VEPH1: variants seen among roughly 807,000 people sequenced by gnomAD.
VEPH1 encodes the protein ventricular zone expressed PH domain containing 1.
Under a neutral mutation model 85.2 loss-of-function variants are expected in VEPH1, and 80 were observed. The ratio of observed to expected loss-of-function variants is 0.94; its 90% CI spans 0.78 to 1.13. VEPH1 has a LOEUF of 1.13. Among genes scored for constraint, VEPH1 ranks in the 50% most tolerant of loss-of-function variants. The pLI is 0.00. For missense variants in VEPH1, 955 were observed against 980.5 expected (o/e 0.97, Z 0.35); for synonymous variants, 297 against 348.0 (o/e 0.85, Z 1.63).
chr3:157,369,838 C>G (rs1727288192), intron 7 of VEPH1, among the ~76,000 whole-genome samples: 1 of 152,166 alleles, frequency 6.6e-6, no homozygotes, highest in Admixed American at 6.5e-5. Flanking sequence ...ACTTCTGCTT[C>G]CCTCCTAGAG....
intron 4 of VEPH1, chr3:157,436,905 T>C: frequency 2.5e-6 from 4 of 1,608,152 alleles, no homozygotes; most frequent in Non-Finnish European, 3.4e-6. Context: ...TCCCGCCAGC[T>C]GTGGAAAGAA....
At chr3:157,316,069 A>G (rs1013020382) in intron 10 of VEPH1, 1 of 152,068 alleles carries the variant, frequency 6.6e-6, no homozygotes, top group Non-Finnish European at 1.5e-5. Context: ...AGGCATGTCC[A>G]ATCTGTCTCT....
At chr3:157,267,450 A>G (rs1713876402) in intron 12 of VEPH1, among the ~76,000 whole-genome samples, 1 of 151,196 alleles carries the variant, frequency 6.6e-6, no homozygotes. Flanking sequence ...TTTTTTCCGG[A>G]TGACTATTCA....
At chr3:157,267,773 C>T (rs1018152128) in intron 12 of VEPH1, among the ~76,000 whole-genome samples, 2 of 152,082 alleles carry the variant, frequency 1.3e-5, no homozygotes, top group African/African-American at 2.4e-5. Flanking sequence ...GTCTCAAAAA[C>T]CAAACAAACA....
intron 5 of VEPH1, among the ~76,000 whole-genome samples, chr3:157,426,047 T>C (rs1732729604): frequency 1.3e-5 from 2 of 152,186 alleles, no homozygotes; most frequent in Admixed American, 6.5e-5. Context: ...CCTGCCACCA[T>C]GTAAGGAGTG....
chr3:157,358,079 A>G (rs964901333), intron 9 of VEPH1, among the ~76,000 whole-genome samples: 12 of 152,182 alleles, frequency 7.9e-5, no homozygotes, highest in Non-Finnish European at 2.9e-5. Context: ...GAGTCTTTTC[A>G]AAAGGATTTG....
intron 6 of VEPH1, among the ~76,000 whole-genome samples, chr3:157,389,177 C>A (rs1729595378): frequency 6.6e-6 from 1 of 152,056 alleles, no homozygotes; most frequent in Admixed American, 6.6e-5. Context: ...TAAATTTGAA[C>A]CCATGGCCAA....
At chr3:157,321,770 C>A (rs901540130) in intron 9 of VEPH1, among the ~76,000 whole-genome samples, 1 of 151,960 alleles carries the variant, frequency 6.6e-6, no homozygotes, top group African/African-American at 2.4e-5. Flanking sequence ...AAAAGCTGAT[C>A]CAGAATGAAA....
At chr3:157,391,372 G>C (rs1276631442) in intron 6 of VEPH1, among the ~76,000 whole-genome samples, 1 of 152,240 alleles carries the variant, frequency 6.6e-6, no homozygotes, top group Non-Finnish European at 1.5e-5. Flanking sequence ...AGGGAGAGCA[G>C]TTTGTTTCTT....
intron 4 of VEPH1, among the ~76,000 whole-genome samples, chr3:157,430,603 C>T (rs1733068040): frequency 6.6e-6 from 1 of 152,100 alleles, no homozygotes; most frequent in Non-Finnish European, 1.5e-5. Flanking sequence ...TTAGAAGTCA[C>T]CTGGGCATAT....
intron 9 of VEPH1, among the ~76,000 whole-genome samples, chr3:157,329,737 C>A (rs1259444154): frequency 6.6e-6 from 1 of 152,018 alleles, no homozygotes; most frequent in African/African-American, 2.4e-5. Context: ...GAAACTCAAC[C>A]TTCTAGCAGT....
At chr3:157,309,042 A>T (rs1273321986) in intron 11 of VEPH1, among the ~76,000 whole-genome samples, 7 of 151,992 alleles carry the variant, frequency 4.6e-5, no homozygotes, top group Non-Finnish European at 1.0e-4. Flanking sequence ...TTCTTATTTC[A>T]AATAGTATAC....
rs1415674137 is a variant in VEPH1, at chr3:157,392,554, C to T, written c.907-11178G>A. On this transcript the variant is annotated intron_variant, in intron 6 of 13. Coordinates refer to ENST00000362010, the MANE Select transcript of VEPH1 (RefSeq NM_001167912.2). ...ATCATTTGGCTTCCCTGGGCCACATCGGAAGAAGAAGAATTGTCTTGGGCC... is the reference window on the plus strand; with the variant it reads ...ATCATTTGGCTTCCCTGGGCCACATTGGAAGAAGAAGAATTGTCTTGGGCC... Among the ~76,000 whole-genome samples the T allele has an allele frequency of 3.9e-5, 6 of 151,928 alleles. No homozygotes were observed. In the East Asian group the frequency reaches 1.2e-3, roughly 29 times the overall value.
intron 9 of VEPH1, among the ~76,000 whole-genome samples, chr3:157,345,536 G>A (rs1182379751): frequency 6.6e-6 from 1 of 152,214 alleles, no homozygotes; most frequent in African/African-American, 2.4e-5. Flanking sequence ...AACAACACAT[G>A]CTGGAGAGGA....
chr3:157,500,947 G>C (rs9851066), intron 1 of VEPH1, among the ~76,000 whole-genome samples: 34,561 of 151,948 alleles, frequency 0.23, 4,386 homozygotes, highest in South Asian at 0.35. Flanking sequence ...GTTGTTGGGA[G>C]GTTTAAGGAG....
At chr3:157,489,179 T>A (rs537934170) in intron 2 of VEPH1, 2 of 456,456 alleles carry the variant, frequency 4.4e-6, no homozygotes, top group African/African-American at 4.0e-5. Context: ...AAAACAGGAA[T>A]AGAAAAATTA....
At chr3:157,425,458 T>C (rs542824155) in intron 5 of VEPH1, among the ~76,000 whole-genome samples, 1 of 152,276 alleles carries the variant, frequency 6.6e-6, no homozygotes, top group African/African-American at 2.4e-5. Flanking sequence ...CCCAAGACCA[T>C]GGGAACCCTT....
At chr3:157,433,258 C>G (rs79028632) in intron 4 of VEPH1, among the ~76,000 whole-genome samples, 15,771 of 152,138 alleles carry the variant, frequency 0.1, 1,284 homozygotes, top group South Asian at 0.24. Flanking sequence ...CCAATACACA[C>G]TTTGATGAAT....
At chr3:157,347,566 T>C (rs1262619640) in intron 9 of VEPH1, among the ~76,000 whole-genome samples, 2 of 151,768 alleles carry the variant, frequency 1.3e-5, no homozygotes, top group Non-Finnish European at 2.9e-5. Context: ...TTGACTGGAG[T>C]GTGGAAGGGA....
Sources: gnomAD v4.1 joint callset for allele counts (sites outside exome capture counted in the v4.1 genomes callset) on GRCh38, gnomAD v4.1.1 for gene constraint, MANE v1.5 for transcripts, NCBI Gene and HGNC (gene_info 2026-07-23, HGNC 2026-07-21) for gene names.